Variants in ARHGAP26 observed in about 807,000 individuals in gnomAD.
ARHGAP26 encodes rho GTPase-activating protein 26.
In ARHGAP26, 38 loss-of-function variants were observed where a neutral mutation model predicts 104.8. That is an observed-to-expected ratio of 0.36 (90% CI 0.28 to 0.48). ARHGAP26 has a LOEUF of 0.48. Ranked by LOEUF, ARHGAP26 falls within the 20% of genes least tolerant of loss-of-function variation. ARHGAP26 has a pLI of 0.99. For missense variants in ARHGAP26, 704 were observed against 947.9 expected (o/e 0.74, Z 3.38); for synonymous variants, 341 against 340.0 (o/e 1.00, Z -0.03).
intron 17 of ARHGAP26, among the ~76,000 whole-genome samples, chr5:143,104,247 C>T (rs1239525989): frequency 2.6e-5 from 4 of 152,116 alleles, no homozygotes; most frequent in African/African-American, 9.7e-5. Flanking sequence ...CAGTGACTCA[C>T]GCCTGTAATC....
intron 3 of ARHGAP26, among the ~76,000 whole-genome samples, chr5:142,878,673 T>C (rs1756485261): frequency 6.6e-6 from 1 of 152,170 alleles, no homozygotes; most frequent in Non-Finnish European, 1.5e-5. Context: ...AGCTGAAATC[T>C]TAATTACATG....
At chr5:143,079,483 T>C (rs1789504916) in intron 17 of ARHGAP26, among the ~76,000 whole-genome samples, 1 of 152,118 alleles carries the variant, frequency 6.6e-6, no homozygotes, top group Non-Finnish European at 1.5e-5. Flanking sequence ...CTTTTCAGAG[T>C]TAACGGTGCT....
At chr5:142,906,810 G>A (rs1761166956) in intron 8 of ARHGAP26, among the ~76,000 whole-genome samples, 1 of 152,198 alleles carries the variant, frequency 6.6e-6, no homozygotes, top group Non-Finnish European at 1.5e-5. Context: ...AACACTTGCA[G>A]TTGGCAGTCA....
intron 1 of ARHGAP26, among the ~76,000 whole-genome samples, chr5:142,862,497 G>T (rs1753549026): frequency 6.6e-6 from 1 of 152,152 alleles, no homozygotes; most frequent in South Asian, 2.1e-4. Context: ...CTTTTCTGAG[G>T]TAGCAGTATT....
At chr5:142,915,919 C>T (rs1762417661) in intron 10 of ARHGAP26, among the ~76,000 whole-genome samples, 1 of 152,100 alleles carries the variant, frequency 6.6e-6, no homozygotes, top group Non-Finnish European at 1.5e-5. Context: ...CTCAAAGACT[C>T]CTGTACTTTC....
intron 1 of ARHGAP26, among the ~76,000 whole-genome samples, chr5:142,807,003 C>T (rs1278141130): frequency 6.6e-6 from 1 of 152,344 alleles, no homozygotes; most frequent in African/African-American, 2.4e-5. Context: ...GCTTGCTATA[C>T]TGTGCCCGTC....
chr5:142,978,699 GTTA>G (rs1202834400), intron 11 of ARHGAP26, among the ~76,000 whole-genome samples: 1 of 147,190 alleles, frequency 6.8e-6, no homozygotes, highest in Non-Finnish European at 1.5e-5. Flanking sequence ...CCCTATAAAT[GTTA>G]TTATTATCTT....
At chr5:143,093,522 G>T (rs910811186) in intron 17 of ARHGAP26, among the ~76,000 whole-genome samples, 3 of 151,572 alleles carry the variant, frequency 2.0e-5, no homozygotes, top group Middle Eastern at 3.2e-3. Context: ...TTCTCTCTTT[G>T]ACTTTCTGTC....
At chr5:142,940,288 C>T (rs767469404) in intron 11 of ARHGAP26, among the ~76,000 whole-genome samples, 4 of 152,116 alleles carry the variant, frequency 2.6e-5, no homozygotes, top group Non-Finnish European at 5.9e-5. Context: ...ATGCAGGCCT[C>T]AGTCCTTTCT....
chr5:143,004,595 C>T (rs728465), intron 11 of ARHGAP26, among the ~76,000 whole-genome samples: 114,873 of 152,080 alleles, frequency 0.76, 44,283 homozygotes, highest in Middle Eastern at 0.84. Context: ...TCCTGTCAGT[C>T]ATTTATGTTC....
intron 1 of ARHGAP26, among the ~76,000 whole-genome samples, chr5:142,818,794 A>G (rs1447512290): frequency 6.6e-6 from 1 of 152,142 alleles, no homozygotes; most frequent in Non-Finnish European, 1.5e-5. Flanking sequence ...GCAGGAGGGA[A>G]GAGCTCCAGG....
chr5:143,003,604 C>T lies in ARHGAP26; in HGVS notation c.1108-10476C>T, dbSNP rs140205060. Among the ~76,000 whole-genome samples the T allele has an allele frequency of 7.8e-3, 1,193 of 152,174 alleles. 16 individuals carry two copies. The highest frequency in any genetic ancestry group is 0.017 in the Middle Eastern group (5 of 294). On this transcript the variant is annotated intron_variant, in intron 11 of 22. Coordinates refer to ENST00000645722, the MANE Select transcript of ARHGAP26 (RefSeq NM_001135608.3). ...AAATTTTATTTGGAAGTATTAAATT[C>T]TGTAGAATATAGACTGTAGGAGCAG...
chr5:142,815,548 G>T (rs1040905861), intron 1 of ARHGAP26, among the ~76,000 whole-genome samples: 2 of 152,180 alleles, frequency 1.3e-5, no homozygotes, highest in Admixed American at 1.3e-4. Context: ...AGTGATGAGG[G>T]TCATGGATTC....
chr5:143,006,329 T>C (rs1468024405), intron 11 of ARHGAP26, among the ~76,000 whole-genome samples: 1 of 151,438 alleles, frequency 6.6e-6, no homozygotes, highest in Admixed American at 6.6e-5. Flanking sequence ...TTTTTTTTTT[T>C]TTTTTTTTTA....
chr5:143,222,419 C>T lies in ARHGAP26; in HGVS notation c.2253C>T (p.Ile751=). The change falls in exon 23 of 23, where the codon ATC becomes ATT. Residue 751 remains isoleucine, a synonymous_variant. Transcript: ENST00000645722. ...EGTLNGKTGL[I]PENYVEFL Reference sequence around the variant, plus strand: ...CTCTGAACGGAAAGACTGGCCTCATCCCTGAGAATTACGTGGAGTTCCTCT... The same window carrying T: ...CTCTGAACGGAAAGACTGGCCTCATTCCTGAGAATTACGTGGAGTTCCTCT... 1 of 1,602,888 alleles carries T rather than the reference C, an allele frequency of 6.2e-7. No individual in the cohort carries two copies.
chr5:142,926,667 C>T (rs1184940665), intron 10 of ARHGAP26, among the ~76,000 whole-genome samples: 1 of 152,086 alleles, frequency 6.6e-6, no homozygotes, highest in Non-Finnish European at 1.5e-5. Context: ...AGCCCTCAGC[C>T]CTGTGTGCTT....
intron 1 of ARHGAP26, among the ~76,000 whole-genome samples, chr5:142,817,875 T>A (rs923007216): frequency 1.3e-5 from 2 of 152,222 alleles, no homozygotes. Context: ...GGACAGAACC[T>A]GAAATCTACT....
At chr5:143,160,595 C>G (rs1178215718) in intron 20 of ARHGAP26, among the ~76,000 whole-genome samples, 2 of 152,024 alleles carry the variant, frequency 1.3e-5, no homozygotes, top group African/African-American at 2.4e-5. Flanking sequence ...AGCGATCCTT[C>G]CACCTTAGCT....
At chr5:143,087,862 T>A (rs1790830109) in intron 17 of ARHGAP26, among the ~76,000 whole-genome samples, 1 of 151,424 alleles carries the variant, frequency 6.6e-6, no homozygotes, top group South Asian at 2.1e-4. Flanking sequence ...TTGGTCAGGC[T>A]GGTCTCGAAC....
Sources: allele counts gnomAD v4.1 joint callset (sites outside exome capture counted in the v4.1 genomes callset), GRCh38; gene constraint gnomAD v4.1.1; transcripts MANE v1.5; gene names NCBI Gene and HGNC (gene_info 2026-07-23, HGNC 2026-07-21).